The following PCDHGB4 variants were observed in gnomAD, a reference collection of about 807,000 sequenced individuals.
PCDHGB4 encodes the protein protocadherin gamma-B4.
In PCDHGB4, 38 loss-of-function variants were observed where a neutral mutation model predicts 60.5. That is an observed-to-expected ratio of 0.63 (90% CI 0.48 to 0.82). The LOEUF is 0.82. PCDHGB4 is among the 40% of genes least tolerant of loss of function. The probability of loss-of-function intolerance (pLI) is 0.00; values close to 1 mark genes in which losing one functional copy is unlikely to be tolerated. For synonymous variants in PCDHGB4, 456 were observed against 509.7 expected (o/e 0.89, Z 1.42); for missense variants, 1,109 against 1,209.6 (o/e 0.92, Z 1.23).
At chr5:141,393,028 C>T in intron 1 of PCDHGB4, 6 of 1,613,768 alleles carry the variant, frequency 3.7e-6, no homozygotes, top group Non-Finnish European at 5.1e-6. Context: ...AGAGGTAGGA[C>T]GCAGCTCTTT....
chr5:141,421,650 A>G, intron 1 of PCDHGB4: 1 of 1,613,868 alleles, frequency 6.2e-7, no homozygotes, highest in South Asian at 1.1e-5. Flanking sequence ...AAGTGGAGAT[A>G]AAAGTCAGTG....
At position 141,460,912 on chromosome 5, in the gene PCDHGB4, G is replaced by GTA. The variant is rs34683754; in HGVS notation, c.2398-33883_2398-33882dup. ...TCGTGGCTGAGTAATATTCCATGGT[G>GTA]TATATATATATATGTGTGTGTGTAT... On this transcript the variant is annotated intron_variant, in intron 1 of 3. Coordinates refer to ENST00000519479, the MANE Select transcript of PCDHGB4 (RefSeq NM_003736.4). Among the ~76,000 whole-genome samples, 731 of 149,318 alleles carry GTA rather than the reference G, an allele frequency of 4.9e-3. 9 individuals carry two copies. Among genetic ancestry groups the GTA allele is most frequent in the African/African-American group, 0.016 (631 of 40,624 alleles).
intron 2 of PCDHGB4, among the ~76,000 whole-genome samples, chr5:141,497,865 A>G (rs1248242691): frequency 2.0e-5 from 3 of 152,168 alleles, no homozygotes; most frequent in Admixed American, 2.0e-4. Flanking sequence ...CAGCGGCTCC[A>G]AAGTGAAATA....
chr5:141,392,976 G>T (rs892304367), intron 1 of PCDHGB4: 1 of 1,613,866 alleles, frequency 6.2e-7, no homozygotes, highest in South Asian at 1.1e-5. Flanking sequence ...CCTGGGGCTG[G>T]ACCCCCGGAA....
At chr5:141,428,551 G>A (rs1192248816) in intron 1 of PCDHGB4, 1 of 254,070 alleles carries the variant, frequency 3.9e-6, no homozygotes, top group Non-Finnish European at 7.8e-6. Flanking sequence ...ACCAGAAACA[G>A]TCCCCCCACA....
rs2097721634 is a variant in PCDHGB4, at chr5:141,434,835, A to G, written c.2397+44554A>G. On this transcript the variant is annotated intron_variant, in intron 1 of 3. Coordinates refer to ENST00000519479, the MANE Select transcript of PCDHGB4 (RefSeq NM_003736.4). ...ATATCCCTTAGTACACTTGGCATTT[A>G]TAAAGCAGACATCAATAAATTTATA... 2.0e-5 allele frequency among the ~76,000 whole-genome samples: 3 copies of G among 151,972 alleles called. 1 individual carries two copies. In the South Asian group the frequency reaches 6.2e-4, roughly 32 times the overall value.
intron 1 of PCDHGB4, chr5:141,403,573 C>G: frequency 6.2e-7 from 1 of 1,613,946 alleles, no homozygotes; most frequent in South Asian, 1.1e-5. Context: ...AGGCAACTGC[C>G]CACCACCTGG....
Position 141,485,187 on chromosome 5 carries a change from T to A in PCDHGB4, c.2398-9620T>A, listed in dbSNP as rs1325714839. ...CGGGCGGCAGCAATGCTCCGCAAGG[T>A]GAGAAGCTGGACAGAAATCTGGCGG... On this transcript the variant is annotated intron_variant, in intron 1 of 3. Transcript: ENST00000519479. This position sits in a 1 kb window ranked among gnomAD's most constrained non-coding sequence, Gnocchi z 5.7. 1 of 1,613,502 alleles carries A rather than the reference T, an allele frequency of 6.2e-7. No individual in the cohort carries two copies. The highest frequency in any genetic ancestry group is 1.7e-5 in the Admixed American group (1 of 60,018).
intron 1 of PCDHGB4, among the ~76,000 whole-genome samples, chr5:141,462,331 T>C (rs909948238): frequency 6.6e-6 from 1 of 152,244 alleles, no homozygotes; most frequent in African/African-American, 2.4e-5. Context: ...TCTAATTTAA[T>C]TGTATTGTGA....
At chr5:141,482,667 G>C (rs2099569914) in intron 1 of PCDHGB4, among the ~76,000 whole-genome samples, 1 of 151,094 alleles carries the variant, frequency 6.6e-6, no homozygotes, top group Admixed American at 6.6e-5. Context: ...ATGATCTAAA[G>C]GTTGAGTAGT....
intron 1 of PCDHGB4, chr5:141,410,413 TG>T: frequency 6.2e-7 from 1 of 1,614,056 alleles, no homozygotes; most frequent in Non-Finnish European, 8.5e-7. Flanking sequence ...AGTCTGGACC[TG>T]TAGTTCCCCC....
chr5:141,496,478 G>A lies in PCDHGB4; in HGVS notation c.2456+1613G>A, dbSNP rs150992994. 7.2e-3 allele frequency among the ~76,000 whole-genome samples: 1,093 copies of A among 152,228 alleles called. 19 individuals are homozygous for A. The highest frequency in any genetic ancestry group is 0.025 in the African/African-American group (1,039 of 41,518). ...CCAAGAGTTATCTTTCCCCCATCCT[G>A]CAACCAACCAAACCCTTGTTGCCAC... is the stretch of plus-strand genomic sequence containing the variant. On this transcript the variant is annotated intron_variant, in intron 2 of 3. Transcript: ENST00000519479.
Position 141,485,790 on chromosome 5 carries a change from C to G in PCDHGB4, c.2398-9017C>G. 6.2e-7 allele frequency: 1 copy of G among 1,614,204 alleles called. No homozygotes were observed. The highest frequency in any genetic ancestry group is 8.5e-7 in the Non-Finnish European group (1 of 1,180,032). ...AAGCCTTTGGATCGAGAGAAGCAAT[C>G]GGACTACCGCCTGGTGCTGACTGCT... On this transcript the variant is annotated intron_variant, in intron 1 of 3. Transcript: ENST00000519479. This position sits in a 1 kb window ranked among gnomAD's most constrained non-coding sequence, Gnocchi z 5.7.
rs192227219 is a variant in PCDHGB4 at position 141,501,899 on chromosome 5, A to G, written c.2457-3494A>G. Among the ~76,000 whole-genome samples the G allele has an allele frequency of 1.0e-3, 159 of 152,024 alleles. 1 individual carries two copies. The highest frequency in any genetic ancestry group is 6.8e-3 in the Middle Eastern group (2 of 294). ...TACACTCCTGATCATCATGGTTCCA[A>G]CCCCACTGTTCCACTCAGCTTTGTT... is the stretch of plus-strand genomic sequence containing the variant. On this transcript the variant is annotated intron_variant, in intron 2 of 3. Transcript: ENST00000519479.
intron 1 of PCDHGB4, chr5:141,427,884 G>T (rs1346875505): frequency 5.1e-6 from 8 of 1,564,634 alleles, no homozygotes; most frequent in African/African-American, 2.7e-5. Flanking sequence ...GCAGGCCCAC[G>T]ACCAGGGCTC....
intron 1 of PCDHGB4, among the ~76,000 whole-genome samples, chr5:141,492,148 G>C (rs2099737507): frequency 6.6e-6 from 1 of 152,202 alleles, no homozygotes; most frequent in Admixed American, 6.5e-5. Flanking sequence ...TGACTTCACT[G>C]TTACCCTCCC....
intron 2 of PCDHGB4, among the ~76,000 whole-genome samples, chr5:141,495,389 C>T (rs966648925): frequency 2.0e-5 from 3 of 152,204 alleles, no homozygotes; most frequent in African/African-American, 7.2e-5. Context: ...CTGGGCGGGG[C>T]ATGGAGCAGG....
chr5:141,423,264 C>T (rs1452323474), intron 1 of PCDHGB4: 6 of 1,613,868 alleles, frequency 3.7e-6, no homozygotes, highest in Non-Finnish European at 5.1e-6. Context: ...TCGGCAGCCT[C>T]GAGTCTCTGG....
At chr5:141,449,148 T>C (rs570694341) in intron 1 of PCDHGB4, among the ~76,000 whole-genome samples, 20 of 152,268 alleles carry the variant, frequency 1.3e-4, no homozygotes, top group African/African-American at 4.8e-4. Flanking sequence ...AATTGCTGGG[T>C]CAAAGAGGAA....
Sources: allele counts gnomAD v4.1 joint callset (sites outside exome capture counted in the v4.1 genomes callset), GRCh38; gene constraint gnomAD v4.1.1; non-coding constraint Gnocchi (gnomAD v3.1); transcripts MANE v1.5; gene names NCBI Gene and HGNC (gene_info 2026-07-23, HGNC 2026-07-21).